Variants in MCC observed in about 807,000 individuals in gnomAD.
MCC encodes MCC regulator of Wnt signaling pathway.
In MCC, 90 loss-of-function variants were observed where a neutral mutation model predicts 116.2. The observed-to-expected ratio is 0.77, with a 90% CI of 0.65 to 0.92. The LOEUF (loss-of-function observed/expected upper bound fraction) is 0.92. Among genes scored for constraint, MCC ranks in the 40% least tolerant of loss-of-function variants. The pLI is 0.00. For synonymous variants in MCC, 578 were observed against 510.5 expected, an observed-to-expected ratio of 1.13 and a Z score of -1.78; for missense variants, 1,516 against 1,312.2, an observed-to-expected ratio of 1.16 and a Z score of -2.40.
At chr5:113,264,507 C>T (rs970673231) in intron 3 of MCC, among the ~76,000 whole-genome samples, 1 of 152,124 alleles carries the variant, frequency 6.6e-6, no homozygotes, top group Admixed American at 6.6e-5. Flanking sequence ...AGGACTTACA[C>T]TCAATGAGAG....
At chr5:113,158,669 G>A (rs1474201556) in intron 3 of MCC, among the ~76,000 whole-genome samples, 2 of 152,126 alleles carry the variant, frequency 1.3e-5, no homozygotes, top group African/African-American at 4.8e-5. Flanking sequence ...ACCTCCTTCT[G>A]GCAAACGAGG....
intron 3 of MCC, among the ~76,000 whole-genome samples, chr5:113,283,677 C>G (rs74620960): frequency 6.6e-6 from 1 of 152,108 alleles, no homozygotes; most frequent in African/African-American, 2.4e-5. Flanking sequence ...AAAAGAAAGG[C>G]GTATTGTCCC....
chr5:113,121,258 G>C (rs1757719730), intron 6 of MCC, among the ~76,000 whole-genome samples: 1 of 152,164 alleles, frequency 6.6e-6, no homozygotes, highest in Non-Finnish European at 1.5e-5. Flanking sequence ...TACAGTGATT[G>C]ATTCAAAATG....
chr5:113,319,776 C>T lies in MCC; in HGVS notation c.627+20743G>A, dbSNP rs373963168. 8.5e-5 allele frequency among the ~76,000 whole-genome samples: 13 copies of T among 152,294 alleles called. No individual in the cohort carries two copies. The East Asian group carries it at 1.9e-3, about 23-fold the overall frequency. Reference sequence around the variant, plus strand: ...TCTAGGAACTACTGGATATTGTTTACCAGGCTTCCTGGATAAACTATGGGA... The same window carrying T: ...TCTAGGAACTACTGGATATTGTTTATCAGGCTTCCTGGATAAACTATGGGA... On this transcript the variant is annotated intron_variant, in intron 3 of 18. Transcript: ENST00000408903.
At chr5:113,038,979 A>G (rs902304824) in intron 17 of MCC, among the ~76,000 whole-genome samples, 9 of 152,050 alleles carry the variant, frequency 5.9e-5, no homozygotes, top group African/African-American at 2.2e-4. Flanking sequence ...CAGCCCCTGG[A>G]TGGTCGGTGA....
intron 2 of MCC, among the ~76,000 whole-genome samples, chr5:113,368,392 A>G (rs7717422): frequency 0.46 from 70,004 of 151,958 alleles, 17,459 homozygotes; most frequent in African/African-American, 0.64. Flanking sequence ...TTCATAGACT[A>G]TTTTGTTGAT....
chr5:113,155,739 C>A (rs551651993), intron 3 of MCC, among the ~76,000 whole-genome samples: 80 of 152,114 alleles, frequency 5.3e-4, no homozygotes, highest in Non-Finnish European at 7.5e-4. Flanking sequence ...TTCCATGAAC[C>A]AAAGAGAAAG....
At chr5:113,092,152 G>A (rs1054327124) in intron 8 of MCC, among the ~76,000 whole-genome samples, 1 of 152,138 alleles carries the variant, frequency 6.6e-6, no homozygotes, top group Non-Finnish European at 1.5e-5. Context: ...TAAACCCCGA[G>A]AAATGTAAAT....
chr5:113,289,888 A>G (rs1483080936), intron 3 of MCC, among the ~76,000 whole-genome samples: 1 of 152,242 alleles, frequency 6.6e-6, no homozygotes, highest in Non-Finnish European at 1.5e-5. Flanking sequence ...GCTTATGCTA[A>G]TGCTATGGCT....
At chr5:113,041,244 T>C (rs1404829144) in intron 17 of MCC, among the ~76,000 whole-genome samples, 1 of 152,170 alleles carries the variant, frequency 6.6e-6, no homozygotes, top group African/African-American at 2.4e-5. Context: ...GGCCATCCTA[T>C]AAACAGGCCC....
intron 1 of MCC, among the ~76,000 whole-genome samples, chr5:113,443,293 CTGTT>C (rs1176933885): frequency 1.3e-5 from 2 of 152,118 alleles, no homozygotes; most frequent in Admixed American, 6.5e-5. Context: ...ATTTGGCTCT[CTGTT>C]TGTCTGTTAC....
At chr5:113,192,537 C>T (rs1160962140) in intron 3 of MCC, among the ~76,000 whole-genome samples, 4 of 152,224 alleles carry the variant, frequency 2.6e-5, no homozygotes, top group Non-Finnish European at 4.4e-5. Flanking sequence ...TAAAGACACA[C>T]ATGCATGGGC....
chr5:113,186,627 A>G (rs1326891902), intron 3 of MCC, among the ~76,000 whole-genome samples: 2 of 152,152 alleles, frequency 1.3e-5, no homozygotes, highest in Non-Finnish European at 2.9e-5. Context: ...ATATTTTTAT[A>G]TTTAAGATCA....
chr5:113,487,899 G>T (rs1772584865), intron 1 of MCC, among the ~76,000 whole-genome samples: 1 of 152,298 alleles, frequency 6.6e-6, no homozygotes, highest in Admixed American at 6.5e-5. Context: ...CGAGGCTGTG[G>T]GGCAGCCCCT....
At chr5:113,142,198 A>G (rs1337445527) in intron 5 of MCC, among the ~76,000 whole-genome samples, 2 of 147,206 alleles carry the variant, frequency 1.4e-5, no homozygotes, top group African/African-American at 4.9e-5. Flanking sequence ...AAATGCATCC[A>G]AAGTTTCCTC....
intron 3 of MCC, among the ~76,000 whole-genome samples, chr5:113,219,165 G>A (rs1050326093): frequency 2.6e-5 from 4 of 152,094 alleles, no homozygotes; most frequent in African/African-American, 9.7e-5. Context: ...TAACAAGTTC[G>A]CTGCTTTTCC....
At chr5:113,089,024 T>A (rs1197633710) in intron 8 of MCC, among the ~76,000 whole-genome samples, 1 of 152,202 alleles carries the variant, frequency 6.6e-6, no homozygotes, top group Non-Finnish European at 1.5e-5. Context: ...GAACCAGGGC[T>A]AACCTGAGGC....
At chr5:113,072,290 T>C (rs182266682) in intron 11 of MCC, among the ~76,000 whole-genome samples, 1 of 152,344 alleles carries the variant, frequency 6.6e-6, no homozygotes, top group East Asian at 1.9e-4. Context: ...GGGAGACATC[T>C]GGTGAGTGTA....
chr5:113,116,153 A>C (rs911687380), intron 6 of MCC, among the ~76,000 whole-genome samples: 11 of 152,178 alleles, frequency 7.2e-5, no homozygotes, highest in Admixed American at 7.2e-4. Flanking sequence ...GACAGCAAAC[A>C]GTGGATCCTC....
Sources: gnomAD v4.1 joint callset for allele counts (sites outside exome capture counted in the v4.1 genomes callset) on GRCh38, gnomAD v4.1.1 for gene constraint, MANE v1.5 for transcripts, NCBI Gene and HGNC (gene_info 2026-07-23, HGNC 2026-07-21) for gene names.